LRRC4C: variants seen among roughly 807,000 people sequenced by gnomAD.
The protein encoded by LRRC4C is leucine rich repeat containing 4C, also known as leucine-rich repeat-containing protein 4C.
In LRRC4C, 5 loss-of-function variants were observed where a neutral mutation model predicts 33.6. The ratio of observed to expected loss-of-function variants is 0.15; its 90% CI spans 0.08 to 0.31. LRRC4C has a LOEUF of 0.31. Ranked by LOEUF, LRRC4C falls within the 10% of genes least tolerant of loss-of-function variation. LRRC4C has a pLI of 1.00. For synonymous variants in LRRC4C, 329 were observed against 302.0 expected, an observed-to-expected ratio of 1.09 and a Z score of -0.93; for missense variants, 560 against 796.7, an observed-to-expected ratio of 0.70 and a Z score of 3.58.
chr11:40,593,888 G>A (rs1332405035), intron 3 of LRRC4C, among the ~76,000 whole-genome samples: 1 of 152,062 alleles, frequency 6.6e-6, no homozygotes, highest in Non-Finnish European at 1.5e-5. Flanking sequence ...TAACTCAAAG[G>A]TGACAGGAAC....
chr11:40,641,020 A>AAG (rs1228804095), intron 3 of LRRC4C, among the ~76,000 whole-genome samples: 1 of 61,820 alleles, frequency 1.6e-5, no homozygotes, highest in Admixed American at 1.5e-4. Context: ...CATCTCAAAA[A>AAG]AAAAAAAAAA....
chr11:40,728,441 CT>C (rs1947393635), intron 2 of LRRC4C, among the ~76,000 whole-genome samples: 1 of 149,022 alleles, frequency 6.7e-6, no homozygotes, highest in Non-Finnish European at 1.5e-5. Context: ...CCGTTCTCTA[CT>C]AAAAAAAGAA....
chr11:40,937,553 TGTAAA>T (rs1256762761), intron 1 of LRRC4C, among the ~76,000 whole-genome samples: 2 of 151,974 alleles, frequency 1.3e-5, no homozygotes, highest in African/African-American at 2.4e-5. Flanking sequence ...ACTCTTCAGT[TGTAAA>T]GTACTCAGTC....
At chr11:40,875,912 A>G (rs1014206061) in intron 2 of LRRC4C, among the ~76,000 whole-genome samples, 30 of 152,120 alleles carry the variant, frequency 2.0e-4, no homozygotes, top group African/African-American at 7.2e-4. Context: ...TCCTGCAACT[A>G]GACGGTCCCA....
At chr11:40,201,789 A>T (rs1042871983) in intron 5 of LRRC4C, among the ~76,000 whole-genome samples, 1 of 152,194 alleles carries the variant, frequency 6.6e-6, no homozygotes, top group Non-Finnish European at 1.5e-5. Flanking sequence ...ATGGGGAAAG[A>T]ACAGAAGTAA....
intron 2 of LRRC4C, among the ~76,000 whole-genome samples, chr11:40,764,473 T>C (rs1949359596): frequency 6.6e-6 from 1 of 152,172 alleles, no homozygotes; most frequent in Non-Finnish European, 1.5e-5. Context: ...ATTACCAATG[T>C]TCCTGACTCC....
chr11:40,586,753 T>A (rs1958769824), intron 3 of LRRC4C, among the ~76,000 whole-genome samples: 1 of 151,596 alleles, frequency 6.6e-6, no homozygotes, highest in African/African-American at 2.4e-5. Flanking sequence ...ATTGCTTGTT[T>A]TTCTCAGGTT....
chr11:40,577,228 T>A (rs977763969), intron 3 of LRRC4C, among the ~76,000 whole-genome samples: 2 of 152,176 alleles, frequency 1.3e-5, no homozygotes, highest in African/African-American at 4.8e-5. Flanking sequence ...AGCTAACAGG[T>A]CCAATTCTTC....
chr11:40,949,549 G>T (rs1408189920), intron 1 of LRRC4C, among the ~76,000 whole-genome samples: 5 of 152,134 alleles, frequency 3.3e-5, no homozygotes, highest in African/African-American at 9.6e-5. Context: ...AGAAGAGAGT[G>T]GGGGCCAATA....
chr11:41,224,864 A>G (rs978245271), intron 1 of LRRC4C, among the ~76,000 whole-genome samples: 2 of 152,202 alleles, frequency 1.3e-5, no homozygotes, highest in African/African-American at 4.8e-5. Flanking sequence ...AGCCAAGATT[A>G]GGAAGCACCC....
chr11:40,835,338 T>C (rs1952621944), intron 2 of LRRC4C, among the ~76,000 whole-genome samples: 1 of 152,212 alleles, frequency 6.6e-6, no homozygotes, highest in Admixed American at 6.5e-5. Context: ...ATAAAATTAC[T>C]CTGTCAAATT....
At chr11:40,475,723 T>G (rs549046812) in intron 3 of LRRC4C, among the ~76,000 whole-genome samples, 1 of 152,218 alleles carries the variant, frequency 6.6e-6, no homozygotes, top group South Asian at 2.1e-4. Context: ...CAATTGATAT[T>G]TATACAACTT....
intron 3 of LRRC4C, among the ~76,000 whole-genome samples, chr11:40,491,146 G>T (rs995806676): frequency 6.6e-6 from 1 of 152,028 alleles, no homozygotes; most frequent in African/African-American, 2.4e-5. Context: ...TTAGCTGGAC[G>T]TGATGGCAGA....
At chr11:40,309,207 T>G (rs1193841575) in intron 4 of LRRC4C, among the ~76,000 whole-genome samples, 1 of 152,226 alleles carries the variant, frequency 6.6e-6, no homozygotes, top group African/African-American at 2.4e-5. Context: ...TAAACACTAA[T>G]CTACTTTCTA....
At chr11:40,310,887 T>G (rs1173971619) in intron 4 of LRRC4C, among the ~76,000 whole-genome samples, 2 of 152,172 alleles carry the variant, frequency 1.3e-5, no homozygotes, top group Non-Finnish European at 2.9e-5. Flanking sequence ...AGAGTTTTGT[T>G]TTGTTTAGGG....
At chr11:40,216,420 C>T (rs1486956507) in intron 5 of LRRC4C, among the ~76,000 whole-genome samples, 1 of 152,136 alleles carries the variant, frequency 6.6e-6, no homozygotes, top group African/African-American at 2.4e-5. Flanking sequence ...AATAGATTCC[C>T]GTTATTCCAT....
intron 2 of LRRC4C, among the ~76,000 whole-genome samples, chr11:40,860,777 CTTTTTTTTTTTTTTTTTTTTTTTTTT>C (rs60307580): frequency 3.7e-4 from 16 of 43,270 alleles, no homozygotes; most frequent in African/African-American, 1.2e-3. Flanking sequence ...GGCTTAGGAT[CTTTTTTTTTTTTTTTTTTTTTTTTTT>C]TTTTTTTTTT....
intron 4 of LRRC4C, among the ~76,000 whole-genome samples, chr11:40,318,300 G>C (rs1945676054): frequency 6.6e-6 from 1 of 151,874 alleles, no homozygotes; most frequent in Non-Finnish European, 1.5e-5. Context: ...TGCCTTTACT[G>C]CTCCAGTCTA....
chr11:40,645,742 C>T (rs1454665233), intron 3 of LRRC4C, among the ~76,000 whole-genome samples: 4 of 152,140 alleles, frequency 2.6e-5, no homozygotes, highest in African/African-American at 9.7e-5. Context: ...TACCATCCCC[C>T]ACAAAATTCT....
Sources: gnomAD v4.1 joint callset for allele counts (sites outside exome capture counted in the v4.1 genomes callset) on GRCh38, gnomAD v4.1.1 for gene constraint, MANE v1.5 for transcripts, NCBI Gene and HGNC (gene_info 2026-07-23, HGNC 2026-07-21) for gene names.